Variants in TESC observed in about 807,000 individuals in gnomAD.
The protein encoded by TESC is tescalcin, also known as calcineurin B homologous protein 3.
TESC carries 19 observed loss-of-function variants against 31.0 expected under a neutral mutation model. The ratio of observed to expected loss-of-function variants is 0.61; its 90% CI spans 0.43 to 0.90. The LOEUF (loss-of-function observed/expected upper bound fraction) is 0.90, where lower values mean the gene tolerates loss of function less well. Among genes scored for constraint, TESC ranks in the 40% least tolerant of loss-of-function variants. The pLI is 0.00. For missense variants in TESC, 248 were observed against 303.8 expected, an observed-to-expected ratio of 0.82 and a Z score of 1.36; for synonymous variants, 109 against 114.8, an observed-to-expected ratio of 0.95 and a Z score of 0.32.
In TESC at chr12:117,070,519, C is replaced by T. The variant is rs184344857; in HGVS notation, c.128+4752G>A. On this transcript the variant is annotated intron_variant, in intron 2 of 7. Coordinates refer to ENST00000335209, the MANE Select transcript of TESC (RefSeq NM_017899.4). ...AGGCAGTGGTGACGGGAATTATAAA[C>T]GCACCTCCCCCACCCCCAGTAGCAG... Among the ~76,000 whole-genome samples the T allele has an allele frequency of 2.0e-3, 301 of 152,264 alleles. 1 individual carries two copies. Among genetic ancestry groups the T allele is most frequent in the African/African-American group, 7.0e-3 (292 of 41,548 alleles).
intron 1 of TESC, among the ~76,000 whole-genome samples, chr12:117,089,296 T>C (rs779139640): frequency 2.1e-4 from 32 of 152,150 alleles, no homozygotes; most frequent in South Asian, 2.1e-4. Flanking sequence ...GAAATGCAAA[T>C]GCACTGTGTA....
At chr12:117,039,788 T>C (rs1291710830) in intron 7 of TESC, among the ~76,000 whole-genome samples, 1 of 152,232 alleles carries the variant, frequency 6.6e-6, no homozygotes, top group Admixed American at 6.5e-5. Flanking sequence ...AAAAAGGTCA[T>C]TTCTACCCAA....
intron 2 of TESC, among the ~76,000 whole-genome samples, chr12:117,070,100 C>G (rs1232140967): frequency 1.3e-5 from 2 of 152,222 alleles, no homozygotes; most frequent in Non-Finnish European, 2.9e-5. Context: ...TGTCCATGCT[C>G]TGAAAACCCA....
In TESC at chr12:117,039,031, G is replaced by A. The variant is rs1402757482; in HGVS notation, c.*102C>T. ...CGCAGACGAGCCTTGGCTATGTACC[G>A]GCGCTGCAGGAAGAGGCTGTCCGCC... On this transcript the variant is annotated 3_prime_UTR_variant, in exon 8 of 8. Transcript: ENST00000335209. The A allele has an allele frequency of 1.8e-5, 23 of 1,310,014 alleles. No individual in the cohort carries two copies. The highest frequency in any genetic ancestry group is 3.9e-4 in the Middle Eastern group (2 of 5,084). The allele number at this position is 1,310,014 out of a possible 1,614,324, so 81.1% of individuals were successfully genotyped here. A position where few individuals can be genotyped will look rare whatever the true frequency, so the allele number is the denominator to read the frequency against.
chr12:117,041,901 G>T, intron 7 of TESC, 46 bp downstream of exon 7: 1 of 1,546,760 alleles, frequency 6.5e-7, no homozygotes. Context: ...TGGGCCACAC[G>T]AGGTCTTCAA....
chr12:117,043,811 T>A (rs1159237019), intron 6 of TESC, among the ~76,000 whole-genome samples: 1 of 152,160 alleles, frequency 6.6e-6, no homozygotes, highest in African/African-American at 2.4e-5. Flanking sequence ...CTGAGTTGGG[T>A]TCTAGTCTCT....
chr12:117,087,718 C>G (rs1482674952), intron 1 of TESC, among the ~76,000 whole-genome samples: 1 of 152,244 alleles, frequency 6.6e-6, no homozygotes, highest in Non-Finnish European at 1.5e-5. Context: ...TGGTGCACGT[C>G]TGTCATCCCA....
chr12:117,069,937 G>A (rs1321133154), intron 2 of TESC, among the ~76,000 whole-genome samples: 3 of 152,326 alleles, frequency 2.0e-5, no homozygotes, highest in Middle Eastern at 3.4e-3. Context: ...TCATAAGCAC[G>A]TGGGTCCTTC....
chr12:117,045,404 G>C (rs772666644), intron 6 of TESC, among the ~76,000 whole-genome samples: 5 of 152,252 alleles, frequency 3.3e-5, no homozygotes, highest in African/African-American at 1.2e-4. Flanking sequence ...GGGACAGGGA[G>C]TAATTTGAAC....
intron 2 of TESC, among the ~76,000 whole-genome samples, chr12:117,065,358 A>C (rs1954862364): frequency 6.6e-6 from 1 of 152,156 alleles, no homozygotes; most frequent in South Asian, 2.1e-4. Flanking sequence ...TAGAAATGGC[A>C]GTGTTTGCTG....
chr12:117,042,636 G>A (rs1954501696), intron 6 of TESC, among the ~76,000 whole-genome samples: 2 of 152,232 alleles, frequency 1.3e-5, no homozygotes, highest in Admixed American at 6.5e-5. Context: ...GGCGATGCCA[G>A]TCTCCATCGC....
intron 7 of TESC, among the ~76,000 whole-genome samples, chr12:117,040,714 C>T (rs900513773): frequency 6.6e-6 from 1 of 152,176 alleles, no homozygotes; most frequent in Admixed American, 6.5e-5. Flanking sequence ...GCACGGCAGT[C>T]CACGGGGCCT....
intron 1 of TESC, among the ~76,000 whole-genome samples, chr12:117,083,721 T>C (rs1252188733): frequency 6.6e-6 from 1 of 152,182 alleles, no homozygotes; most frequent in Admixed American, 6.5e-5. Context: ...AGATTGATGG[T>C]TGCCAGGGGC....
At chr12:117,041,279 A>G (rs770876408) in intron 7 of TESC, among the ~76,000 whole-genome samples, 1 of 152,138 alleles carries the variant, frequency 6.6e-6, no homozygotes, top group Non-Finnish European at 1.5e-5. Context: ...AGCTTCCGAG[A>G]AACACTATTT....
intron 1 of TESC, among the ~76,000 whole-genome samples, chr12:117,092,278 G>A (rs1452567399): frequency 6.6e-6 from 1 of 152,168 alleles, no homozygotes; most frequent in Admixed American, 6.6e-5. Context: ...CTCCAGCACC[G>A]AGCTCAGTGC....
chr12:117,087,924 CTTAG>C (rs1025440658), intron 1 of TESC, among the ~76,000 whole-genome samples: 29 of 152,334 alleles, frequency 1.9e-4, no homozygotes, highest in Non-Finnish European at 2.9e-4. Context: ...CTGGAATTAT[CTTAG>C]TTAGTCCTCG....
In TESC at chr12:117,075,939, A is replaced by G. The variant is rs1295564142; in HGVS notation, c.59-599T>C. Among the ~76,000 whole-genome samples the G allele has an allele frequency of 1.8e-3, 184 of 103,924 alleles. 6 individuals are homozygous for G. Among genetic ancestry groups the G allele is most frequent in the East Asian group, 2.6e-3 (11 of 4,308 alleles). 68.2% of individuals were successfully genotyped at this position (103,924 alleles called of 152,430 possible). A position where few individuals can be genotyped will look rare whatever the true frequency, so the allele number is the denominator to read the frequency against. ...TGTGTGTGTGTATATATATATATATATGTATATATACATATATATATATAT... is the reference window on the plus strand; with the variant it reads ...TGTGTGTGTGTATATATATATATATGTGTATATATACATATATATATATAT... On this transcript the variant is annotated intron_variant, in intron 1 of 7. Transcript: ENST00000335209.
At chr12:117,039,236 G>A in intron 7 of TESC, 26 bp from the exon 8 acceptor site, 1 of 1,604,858 alleles carries the variant, frequency 6.2e-7, no homozygotes, top group Non-Finnish European at 8.5e-7. Flanking sequence ...CAGCGTTAAG[G>A]GCACGTTCCC....
At chr12:117,093,617 C>T (rs1719936817) in intron 1 of TESC, among the ~76,000 whole-genome samples, 1 of 152,204 alleles carries the variant, frequency 6.6e-6, no homozygotes, top group Admixed American at 6.5e-5. Context: ...CTCTCTTGAG[C>T]CTCAATGTCT....
Sources: gnomAD v4.1 joint callset for allele counts (sites outside exome capture counted in the v4.1 genomes callset) on GRCh38, gnomAD v4.1.1 for gene constraint, MANE v1.5 for transcripts, NCBI Gene and HGNC (gene_info 2026-07-23, HGNC 2026-07-21) for gene names.